The following DRAXIN variants were observed in gnomAD, a reference collection of about 807,000 sequenced individuals.
DRAXIN encodes the protein dorsal inhibitory axon guidance protein.
In DRAXIN, 27 loss-of-function variants were observed where a neutral mutation model predicts 33.9. The observed-to-expected ratio is 0.80, with a 90% CI of 0.59 to 1.10. The LOEUF (loss-of-function observed/expected upper bound fraction) is 1.10, where lower values mean the gene tolerates loss of function less well. DRAXIN is among the 50% of genes least tolerant of loss of function. The pLI is 0.00. For missense variants in DRAXIN, 371 were observed against 460.8 expected, an observed-to-expected ratio of 0.81 and a Z score of 1.78; for synonymous variants, 178 against 194.0, an observed-to-expected ratio of 0.92 and a Z score of 0.69.
chr1:11,699,115 C>T (rs1641234218), intron 1 of DRAXIN, among the ~76,000 whole-genome samples: 1 of 152,188 alleles, frequency 6.6e-6, no homozygotes, highest in African/African-American at 2.4e-5. Flanking sequence ...GGAGTCTTAT[C>T]GTCATAGATC....
intron 1 of DRAXIN, among the ~76,000 whole-genome samples, chr1:11,701,713 C>T (rs902701058): frequency 2.0e-5 from 3 of 152,070 alleles, no homozygotes; most frequent in African/African-American, 4.8e-5. Flanking sequence ...GCAACCCGGG[C>T]CGGGCAGAAC....
At chr1:11,713,474 C>T (rs1198001230) in intron 5 of DRAXIN, among the ~76,000 whole-genome samples, 2 of 152,182 alleles carry the variant, frequency 1.3e-5, no homozygotes, top group African/African-American at 2.4e-5. Flanking sequence ...CCTCACTGTT[C>T]GGCAGCCGTC....
At chr1:11,704,000 C>G (rs1641340698) in intron 1 of DRAXIN, among the ~76,000 whole-genome samples, 1 of 152,144 alleles carries the variant, frequency 6.6e-6, no homozygotes, top group African/African-American at 2.4e-5. Flanking sequence ...AGGCTGCTCA[C>G]CAGGCTCAGA....
At chr1:11,702,120 C>T (rs1024945630) in intron 1 of DRAXIN, among the ~76,000 whole-genome samples, 4 of 151,652 alleles carry the variant, frequency 2.6e-5, no homozygotes, top group African/African-American at 9.7e-5. Context: ...TTCACACACA[C>T]ATGCTCACAC....
At chr1:11,718,053 C>A (rs1170464484) in intron 6 of DRAXIN, among the ~76,000 whole-genome samples, 10 of 148,190 alleles carry the variant, frequency 6.7e-5, no homozygotes, top group African/African-American at 2.5e-4. Flanking sequence ...CCTGTAATCC[C>A]ATCACTTTGG....
At chr1:11,693,347 C>G (rs934850007) in intron 1 of DRAXIN, among the ~76,000 whole-genome samples, 5 of 152,092 alleles carry the variant, frequency 3.3e-5, no homozygotes, top group African/African-American at 1.2e-4. Flanking sequence ...CACCAGCTCA[C>G]AGGCCACTTC....
At chr1:11,699,158 C>T (rs1641234705) in intron 1 of DRAXIN, among the ~76,000 whole-genome samples, 2 of 152,168 alleles carry the variant, frequency 1.3e-5, no homozygotes, top group Admixed American at 6.5e-5. Context: ...CAGACAGGGC[C>T]TTTGGGACCA....
At position 11,725,782 on chromosome 1, in the gene DRAXIN, C is replaced by G. The variant is rs1025731135; in HGVS notation, c.*6086C>G. 6.6e-6 allele frequency: 1 copy of G among 152,114 alleles called. No homozygotes were observed. Among genetic ancestry groups the G allele is most frequent in the Non-Finnish European group, 1.5e-5 (1 of 68,056 alleles). The allele number at this position is 152,114 out of a possible 1,614,324, so 9.4% of individuals were successfully genotyped here. ...GAGCGGCAGGGGGAGGGGGAAGTGC[C>G]ACGCCCTTGTAGTTTCATGATGTCA... On this transcript the variant is annotated 3_prime_UTR_variant, in exon 7 of 7. Coordinates refer to ENST00000294485, the MANE Select transcript of DRAXIN (RefSeq NM_198545.4).
intron 3 of DRAXIN, 113 bp downstream of exon 3, chr1:11,709,578 C>T: frequency 7.8e-7 from 1 of 1,276,746 alleles, no homozygotes; most frequent in Admixed American, 2.9e-5. Flanking sequence ...GGCCACAGAG[C>T]TTACTTAGAT....
chr1:11,704,952 C>T lies in DRAXIN; in HGVS notation c.-10-1297C>T, dbSNP rs901056409. Among the ~76,000 whole-genome samples the T allele has an allele frequency of 2.6e-5, 4 of 152,146 alleles. No homozygotes were observed. The highest frequency in any genetic ancestry group is 9.7e-5 in the African/African-American group (4 of 41,420). On this transcript the variant is annotated intron_variant, in intron 1 of 6. Coordinates refer to ENST00000294485, the MANE Select transcript of DRAXIN (RefSeq NM_198545.4). This position sits in a 1 kb window ranked among gnomAD's most constrained non-coding sequence, Gnocchi z 4.6. Reference sequence around the variant, plus strand: ...GTTTCCCCCCTCCCCTCCACGAGTGCGTGGTCAGAGCTTCGAGGGCACAGC... The same window carrying T: ...GTTTCCCCCCTCCCCTCCACGAGTGTGTGGTCAGAGCTTCGAGGGCACAGC...
chr1:11,687,831 G>A (rs780479605), upstream of DRAXIN, among the ~76,000 whole-genome samples: 3 of 152,224 alleles, frequency 2.0e-5, no homozygotes, highest in Non-Finnish European at 2.9e-5. The surrounding 1 kb of genome is among the most constrained non-coding windows in gnomAD (Gnocchi z 4.1). Context: ...AAATACTCCC[G>A]TGTATGGATA....
chr1:11,713,998 C>CTCTGTG (rs1181857161), intron 5 of DRAXIN, among the ~76,000 whole-genome samples: 1 of 152,080 alleles, frequency 6.6e-6, no homozygotes, highest in Non-Finnish European at 1.5e-5. Flanking sequence ...CACGACTGCA[C>CTCTGTG]TCTGACAGAG....
rs894726235 is a variant in DRAXIN at position 11,723,917 on chromosome 1, T to C, written c.*4221T>C. On this transcript the variant is annotated 3_prime_UTR_variant, in exon 7 of 7. Coordinates refer to ENST00000294485, the MANE Select transcript of DRAXIN (RefSeq NM_198545.4). ...CTGTGAACGCAGAATTCTTATAAGGTGTTTAGAACAGTGCCTAGCACCTAA... is the reference window on the plus strand; with the variant it reads ...CTGTGAACGCAGAATTCTTATAAGGCGTTTAGAACAGTGCCTAGCACCTAA... 2.5e-4 allele frequency: 38 copies of C among 152,092 alleles called. No individual in the cohort carries two copies. The highest frequency in any genetic ancestry group is 8.5e-4 in the African/African-American group (35 of 41,410). 9.4% of individuals were successfully genotyped at this position (152,092 alleles called of 1,614,324 possible). A position where few individuals can be genotyped will look rare whatever the true frequency, so the allele number is the denominator to read the frequency against.
At chr1:11,717,464 C>T (rs1641594021) in intron 6 of DRAXIN, among the ~76,000 whole-genome samples, 1 of 150,140 alleles carries the variant, frequency 6.7e-6, no homozygotes, top group African/African-American at 2.5e-5. Context: ...GAGTTTGAGA[C>T]CAGCCTGACC....
chr1:11,712,098 C>A, intron 4 of DRAXIN, 133 bp downstream of exon 4: 1 of 934,572 alleles, frequency 1.1e-6, no homozygotes, highest in Non-Finnish European at 1.7e-6. Flanking sequence ...AGAGGGGGAG[C>A]ATGGAGCCTA....
rs113172506 is a variant in DRAXIN at position 11,719,387 on chromosome 1, G to C, written c.938-197G>C. ...GCCCCGACCGCCCTGAGTCTTCTCT[G>C]TTCTCCTTCCGTGTTCATTCCTCCC... On this transcript the variant is annotated intron_variant, in intron 6 of 6. Transcript: ENST00000294485. 2.9e-3 allele frequency among the ~76,000 whole-genome samples: 437 copies of C among 152,300 alleles called. 3 individuals carry two copies. The highest frequency in any genetic ancestry group is 0.01 in the African/African-American group (422 of 41,574).
rs181151695 is a variant in DRAXIN at position 11,713,853 on chromosome 1, T to C, written c.848-1266T>C. Among the ~76,000 whole-genome samples, 289 of 152,154 alleles carry C rather than the reference T, an allele frequency of 1.9e-3. 5 individuals are homozygous for C. In the East Asian group the frequency reaches 0.045, roughly 24 times the overall value. Reference sequence around the variant, plus strand: ...CAGGAGTTCAAGACCAGCCTGGCCATGAAACCCCATCTCTACTAAAAATAC... The same window carrying C: ...CAGGAGTTCAAGACCAGCCTGGCCACGAAACCCCATCTCTACTAAAAATAC... On this transcript the variant is annotated intron_variant, in intron 5 of 6. Coordinates refer to ENST00000294485, the MANE Select transcript of DRAXIN (RefSeq NM_198545.4).
intron 1 of DRAXIN, among the ~76,000 whole-genome samples, chr1:11,697,403 T>G (rs1226631039): frequency 2.0e-5 from 3 of 152,200 alleles, no homozygotes; most frequent in African/African-American, 7.2e-5. Flanking sequence ...GCCTCTCCTA[T>G]CAGATTGGCA....
rs1203493236 is a variant in DRAXIN, at chr1:11,692,879, T to C, written c.-11+1026T>C. 1.3e-5 allele frequency among the ~76,000 whole-genome samples: 2 copies of C among 151,648 alleles called. No individual in the cohort carries two copies. Among genetic ancestry groups the C allele is most frequent in the Non-Finnish European group, 2.9e-5 (2 of 67,936 alleles). On this transcript the variant is annotated intron_variant, in intron 1 of 6. Transcript: ENST00000294485. This position sits in a 1 kb window ranked among gnomAD's most constrained non-coding sequence, Gnocchi z 5.8. Reference sequence around the variant, plus strand: ...ACAAAACAGGGATGGTGCTAGTCCCTACCTATAGGGATGTGTGTGGAAATT... The same window carrying C: ...ACAAAACAGGGATGGTGCTAGTCCCCACCTATAGGGATGTGTGTGGAAATT...
Sources: allele counts gnomAD v4.1 joint callset (sites outside exome capture counted in the v4.1 genomes callset), GRCh38; gene constraint gnomAD v4.1.1; non-coding constraint Gnocchi (gnomAD v3.1); transcripts MANE v1.5; gene names NCBI Gene and HGNC (gene_info 2026-07-23, HGNC 2026-07-21).